Variants in BTG4 observed in about 807,000 individuals in gnomAD.
BTG4 encodes the protein BTG anti-proliferation factor 4, also known as protein BTG4.
Under a neutral mutation model 19.3 loss-of-function variants are expected in BTG4, and 10 were observed. The observed-to-expected ratio is 0.52, with a 90% confidence interval of 0.32 to 0.88. The LOEUF is 0.88. Ranked by LOEUF, BTG4 falls within the 40% of genes least tolerant of loss-of-function variation. The pLI, the probability that BTG4 is intolerant of heterozygous loss-of-function variation, is 0.04. For synonymous variants in BTG4, 91 were observed against 95.7 expected, an observed-to-expected ratio of 0.95 and a Z score of 0.29; for missense variants, 238 against 281.9, an observed-to-expected ratio of 0.84 and a Z score of 1.11.
chr11:111,405,404 C>CAAAAAAAAAAAAAAAAAAAAAAAA, the BTG4 span, among the ~76,000 whole-genome samples: 8 of 53,040 alleles, frequency 1.5e-4, 1 homozygote, highest in African/African-American at 5.2e-4. Context: ...GACTCCGTCT[C>CAAAAAAAAAAAAAAAAAAAAAAAA]AAAAAAAAAA....
chr11:111,455,902 C>A, the BTG4 span: 1 of 431,962 alleles, frequency 2.3e-6, no homozygotes. Flanking sequence ...GGGCCTCAGC[C>A]AGGGCCCCCC....
At chr11:111,455,798 A>C in the BTG4 span, 1 of 455,932 alleles carries the variant, frequency 2.2e-6, no homozygotes, top group Middle Eastern at 3.3e-4. Flanking sequence ...CACCTGTCCC[A>C]GGTCGTGCTG....
chr11:111,432,398 C>T, the BTG4 span, among the ~76,000 whole-genome samples: 3 of 152,222 alleles, frequency 2.0e-5, no homozygotes, highest in African/African-American at 7.2e-5. Context: ...AATCCCAACA[C>T]TTTGGGAAGT....
chr11:111,503,276 G>A (rs1866215938), intron 1 of BTG4, among the ~76,000 whole-genome samples: 2 of 152,174 alleles, frequency 1.3e-5, no homozygotes, highest in Non-Finnish European at 2.9e-5. Context: ...TAAAACAAAT[G>A]GTGATTCATT....
At chr11:111,422,512 T>C in the BTG4 span, among the ~76,000 whole-genome samples, 140,245 of 152,292 alleles carry the variant, frequency 0.92, 64,917 homozygotes, top group East Asian at 1. Context: ...ATCGCCCTAA[T>C]GCTCACATGG....
chr11:111,407,422 G>C, the BTG4 span, among the ~76,000 whole-genome samples: 1 of 152,132 alleles, frequency 6.6e-6, no homozygotes, highest in South Asian at 2.1e-4. Flanking sequence ...TATAATCCCA[G>C]CACTTTGGGA....
chr11:111,450,015 A>G, the BTG4 span: 1 of 152,382 alleles, frequency 6.6e-6, no homozygotes, highest in African/African-American at 2.4e-5. Context: ...TGCCTGGCCC[A>G]CATCACTGGC....
At chr11:111,416,512 A>G in the BTG4 span, 1 of 152,140 alleles carries the variant, frequency 6.6e-6, no homozygotes, top group Non-Finnish European at 1.5e-5. Context: ...CGTTAGTCAC[A>G]TCATGGAAGG....
At chr11:111,502,864 T>C (rs1866191392) in intron 1 of BTG4, among the ~76,000 whole-genome samples, 1 of 152,214 alleles carries the variant, frequency 6.6e-6, no homozygotes, top group South Asian at 2.1e-4. Flanking sequence ...AGAATAACAA[T>C]GTACTTAGAT....
the BTG4 span, among the ~76,000 whole-genome samples, chr11:111,415,171 C>T: frequency 6.6e-6 from 1 of 152,158 alleles, no homozygotes; most frequent in Non-Finnish European, 1.5e-5. Context: ...CAGTGCAGAA[C>T]ACAGAATTAG....
chr11:111,436,031 T>C, the BTG4 span, among the ~76,000 whole-genome samples: 2 of 152,214 alleles, frequency 1.3e-5, no homozygotes, highest in African/African-American at 2.4e-5. Flanking sequence ...CCACCAGATA[T>C]ATTTTTGCAA....
chr11:111,483,448 A>G (rs1297053856), intron 5 of BTG4, among the ~76,000 whole-genome samples: 1 of 152,152 alleles, frequency 6.6e-6, no homozygotes, highest in Non-Finnish European at 1.5e-5. Context: ...AATCAGAATC[A>G]CCACCTTGAG....
At chr11:111,480,530 G>A (rs1025205735) in intron 5 of BTG4, among the ~76,000 whole-genome samples, 1 of 151,882 alleles carries the variant, frequency 6.6e-6, no homozygotes, top group Non-Finnish European at 1.5e-5. Context: ...GTGCCCACAG[G>A]ATATGCATCA....
At chr11:111,406,949 A>C in the BTG4 span, among the ~76,000 whole-genome samples, 1 of 152,170 alleles carries the variant, frequency 6.6e-6, no homozygotes, top group Admixed American at 6.5e-5. Flanking sequence ...CTCTTACTAC[A>C]GATCACTAGG....
At chr11:111,464,023 GTC>G (rs1351214203), downstream of BTG4, among the ~76,000 whole-genome samples, 2 of 152,178 alleles carry the variant, frequency 1.3e-5, no homozygotes, top group African/African-American at 2.4e-5. Context: ...TTGAGATGGA[GTC>G]TCTCTCTGTT....
chr11:111,482,525 G>A (rs1864802469), intron 5 of BTG4, among the ~76,000 whole-genome samples: 1 of 152,090 alleles, frequency 6.6e-6, no homozygotes. Context: ...AATAAAGTGG[G>A]AAGAATCTAT....
At chr11:111,453,490 G>A in the BTG4 span, 4 of 456,566 alleles carry the variant, frequency 8.8e-6, no homozygotes, top group Admixed American at 7.0e-5. Context: ...ATGCAACCTC[G>A]ATGCCTACAC....
upstream of BTG4, chr11:111,514,583 A>G: frequency 8.5e-6 from 5 of 585,622 alleles, no homozygotes; most frequent in South Asian, 2.0e-5. Flanking sequence ...CCCATATCCA[A>G]GATTTGGACT....
chr11:111,406,355 G>C, the BTG4 span, among the ~76,000 whole-genome samples: 1 of 152,284 alleles, frequency 6.6e-6, no homozygotes, highest in South Asian at 2.1e-4. Flanking sequence ...GGGATGAGTG[G>C]ATGGCTCAGC....
Sources: allele counts gnomAD v4.1 joint callset (sites outside exome capture counted in the v4.1 genomes callset), GRCh38; gene constraint gnomAD v4.1.1; transcripts MANE v1.5; gene names NCBI Gene and HGNC (gene_info 2026-07-23, HGNC 2026-07-21).